ANK3: variants seen among roughly 807,000 people sequenced by gnomAD.
ANK3 encodes ankyrin-3.
Under a neutral mutation model 370.9 loss-of-function variants are expected in ANK3, and 57 were observed. That is an observed-to-expected ratio of 0.15 (90% confidence interval 0.12 to 0.19). The LOEUF (loss-of-function observed/expected upper bound fraction) is 0.19, where lower values mean the gene tolerates loss of function less well. Among genes scored for constraint, ANK3 ranks in the 10% least tolerant of loss-of-function variants. ANK3 has a pLI of 1.00. For missense variants in ANK3, 4,439 were observed against 5,302.1 expected (o/e 0.84, Z 5.06); for synonymous variants, 1,929 against 1,946.3 (o/e 0.99, Z 0.23).
At chr10:60,270,685 A>T (rs1380831240) in intron 4 of ANK3, among the ~76,000 whole-genome samples, 1 of 152,234 alleles carries the variant, frequency 6.6e-6, no homozygotes, top group Non-Finnish European at 1.5e-5. Context: ...ACACAAAAGT[A>T]TCTGAACTAG....
intron 18 of ANK3, 91 bp downstream of exon 18, chr10:60,181,238 G>T (rs2096175112): frequency 8.9e-7 from 1 of 1,120,538 alleles, no homozygotes; most frequent in Non-Finnish European, 1.3e-6. Flanking sequence ...TGATTAAAGG[G>T]TTTGTTCTCC....
chr10:60,250,725 T>A lies in ANK3; in HGVS notation c.798+11134A>T, dbSNP rs1273853232. On this transcript the variant is annotated intron_variant, in intron 7 of 43. Transcript: ENST00000280772. ...TTTTAGAGACAAGCCTGCCTTATATTTCTTACCAGGAAATATATATCATAT... is the reference window on the plus strand; with the variant it reads ...TTTTAGAGACAAGCCTGCCTTATATATCTTACCAGGAAATATATATCATAT... 2.0e-5 allele frequency among the ~76,000 whole-genome samples: 3 copies of A among 152,226 alleles called. No individual in the cohort carries two copies. The East Asian group carries it at 5.8e-4, about 29-fold the overall frequency.
chr10:60,428,763 G>A (rs2063948009), intron 2 of ANK3, among the ~76,000 whole-genome samples: 1 of 152,168 alleles, frequency 6.6e-6, no homozygotes, highest in South Asian at 2.1e-4. Flanking sequence ...CATGGACATA[G>A]AACGAACTCT....
At chr10:60,665,203 T>C (rs1194858634) in intron 1 of ANK3, among the ~76,000 whole-genome samples, 2 of 152,134 alleles carry the variant, frequency 1.3e-5, no homozygotes, top group Non-Finnish European at 2.9e-5. Context: ...CACAAAACAC[T>C]GTTAAAAATT....
chr10:60,278,528 G>A (rs988777283), intron 4 of ANK3, among the ~76,000 whole-genome samples: 4 of 151,978 alleles, frequency 2.6e-5, no homozygotes, highest in Non-Finnish European at 5.9e-5. Context: ...ACACCATGAT[G>A]CCAGGCTAAT....
intron 27 of ANK3, among the ~76,000 whole-genome samples, chr10:60,106,552 C>G (rs2092199692): frequency 1.3e-5 from 2 of 152,148 alleles, no homozygotes; most frequent in African/African-American, 4.8e-5. Context: ...CTCCAACAGG[C>G]AGATTCCATG....
intron 28 of ANK3, among the ~76,000 whole-genome samples, chr10:60,093,266 C>T (rs760249396): frequency 6.6e-5 from 10 of 152,172 alleles, no homozygotes; most frequent in African/African-American, 1.4e-4. Flanking sequence ...CTGTTTAAAT[C>T]GCTATACAAC....
At chr10:60,444,995 G>T (rs1438509847) in intron 2 of ANK3, among the ~76,000 whole-genome samples, 4 of 152,156 alleles carry the variant, frequency 2.6e-5, no homozygotes, top group Non-Finnish European at 5.9e-5. Context: ...TAATGTAAGA[G>T]AAAGTCATTA....
At chr10:60,660,789 T>C (rs1235714560) in intron 1 of ANK3, among the ~76,000 whole-genome samples, 1 of 152,076 alleles carries the variant, frequency 6.6e-6, no homozygotes, top group African/African-American at 2.4e-5. Context: ...GGGGGAGCAT[T>C]AGAGGCCAAT....
Position 60,084,786 on chromosome 10 carries a change from A to G in ANK3, c.3890T>C (p.Leu1297Ser), listed in dbSNP as rs1589757701. The change falls in exon 32 of 44, where the codon TTA becomes TCA. Residue 1297 changes from leucine (L) to serine (S), a missense_variant. Transcript: ENST00000280772. The part of the protein sequence containing the change: ...DCHQVLETVG[L>S]ATQLYRELIC... ...CAATTCTCTGTACAGTTGCGTGGCT[A>G]ACCCCACAGTTTCTAAAACTTGATG... The G allele has an allele frequency of 3.8e-6, 6 of 1,583,328 alleles. No individual in the cohort carries two copies. Among genetic ancestry groups the G allele is most frequent in the Non-Finnish European group, 5.1e-6 (6 of 1,166,896 alleles).
chr10:60,422,785 C>T (rs945192547), intron 2 of ANK3, among the ~76,000 whole-genome samples: 1 of 152,028 alleles, frequency 6.6e-6, no homozygotes, highest in African/African-American at 2.4e-5. Flanking sequence ...TATTAAAAAA[C>T]GTTCTCAGTC....
rs555276847 is a variant in ANK3 at position 60,205,300 on chromosome 10, C to A, written c.1293+492G>T. On this transcript the variant is annotated intron_variant, in intron 11 of 43. Transcript: ENST00000280772. ...GTCGTCTTGTGCAGGGTTTCTCAAC[C>A]TCAGCACATTTGACATTTTGAATCA... is the stretch of plus-strand genomic sequence containing the variant. Among the ~76,000 whole-genome samples, 5 of 152,292 alleles carry A rather than the reference C, an allele frequency of 3.3e-5. No homozygotes were observed. The East Asian group carries it at 9.7e-4, about 29-fold the overall frequency.
intron 2 of ANK3, among the ~76,000 whole-genome samples, chr10:60,486,048 T>C (rs978583957): frequency 2.0e-5 from 3 of 152,092 alleles, no homozygotes; most frequent in African/African-American, 7.2e-5. Flanking sequence ...TCAAAAAGAA[T>C]GGAACGTCAT....
chr10:60,071,312 A>G lies in ANK3; in HGVS notation c.9569T>C (p.Ile3190Thr). ...GCTGGGTTTGCCTGGTATATAAGCT[A>G]TGAGCGAGTCAGGTGTCTTAGATGT... is the stretch of plus-strand genomic sequence containing the variant. Reference protein sequence around the residue: ...EFTSKTPDSLIAYIPGKPSPI... With the variant: ...EFTSKTPDSLTAYIPGKPSPI... Residue 3190 changes from isoleucine to threonine, a missense_variant, in exon 37 of 44, where the codon ATA (isoleucine) becomes ACA (threonine). Ile to Thr is a moderately conservative substitution (Grantham distance 89). Around this residue, in one of 13 missense-constraint regions of ANK3, gnomAD observed 1,601 missense variants for 1,731.7 expected, o/e 0.92. Transcript: ENST00000280772. The G allele has an allele frequency of 6.2e-7, 1 of 1,614,070 alleles. No homozygotes were observed. The highest frequency in any genetic ancestry group is 8.5e-7 in the Non-Finnish European group (1 of 1,180,002).
intron 5 of ANK3, among the ~76,000 whole-genome samples, chr10:60,266,961 C>A (rs998981303): frequency 1.3e-5 from 2 of 151,854 alleles, no homozygotes; most frequent in South Asian, 4.2e-4. Flanking sequence ...GCTTCAGAAT[C>A]GTAATTAGCA....
At chr10:60,370,156 T>C (rs1439934930) in intron 1 of ANK3, among the ~76,000 whole-genome samples, 1 of 152,220 alleles carries the variant, frequency 6.6e-6, no homozygotes, top group Non-Finnish European at 1.5e-5. Context: ...ACCTAGTCCA[T>C]GTTGTTTAGA....
At chr10:60,470,671 C>A (rs1567069474) in intron 2 of ANK3, among the ~76,000 whole-genome samples, 1 of 151,998 alleles carries the variant, frequency 6.6e-6, no homozygotes, top group African/African-American at 2.4e-5. Flanking sequence ...ATACCCAAAG[C>A]CCCGCTCTTA....
intron 43 of ANK3, among the ~76,000 whole-genome samples, chr10:60,034,340 G>A (rs1030570392): frequency 1.3e-5 from 2 of 151,870 alleles, no homozygotes; most frequent in South Asian, 2.1e-4. Context: ...ACTCCTGACC[G>A]CAGGTGATCT....
intron 30 of ANK3, among the ~76,000 whole-genome samples, chr10:60,085,834 T>C (rs1009413426): frequency 6.6e-6 from 1 of 152,178 alleles, no homozygotes; most frequent in African/African-American, 2.4e-5. Context: ...CAGGCTGGTC[T>C]CGAACTCCTG....
Sources: allele counts gnomAD v4.1 joint callset (sites outside exome capture counted in the v4.1 genomes callset), GRCh38; gene constraint gnomAD v4.1.1; regional missense constraint gnomAD v4.1.1; transcripts MANE v1.5; gene names NCBI Gene and HGNC (gene_info 2026-07-23, HGNC 2026-07-21).